The following REPS1 variants were observed in gnomAD, a reference collection of about 807,000 sequenced individuals.
The protein encoded by REPS1 is ralBP1-associated Eps domain-containing protein 1.
In REPS1, 39 loss-of-function variants were observed where a neutral mutation model predicts 100.9. The ratio of observed to expected loss-of-function variants is 0.39; its 90% CI spans 0.30 to 0.50. REPS1 has a LOEUF of 0.50. Ranked by LOEUF, REPS1 falls within the 20% of genes least tolerant of loss-of-function variation. The pLI is 0.86. For synonymous variants in REPS1, 324 were observed against 340.3 expected (o/e 0.95, Z 0.53); for missense variants, 821 against 968.5 (o/e 0.85, Z 2.02).
intron 1 of REPS1, among the ~76,000 whole-genome samples, chr6:138,957,559 A>G (rs1486185642): frequency 6.6e-6 from 1 of 152,222 alleles, no homozygotes; most frequent in East Asian, 1.9e-4. Flanking sequence ...GTGAAGACAC[A>G]GCTTCCAGGA....
rs78455800 is a variant in REPS1, at chr6:138,956,536, G to T, written c.154-8623C>A. Among the ~76,000 whole-genome samples the T allele has an allele frequency of 4.2e-3, 641 of 151,176 alleles. 6 individuals carry two copies. Among genetic ancestry groups the T allele is most frequent in the South Asian group, 0.027 (131 of 4,812 alleles). On this transcript the variant is annotated intron_variant, in intron 1 of 19. Coordinates refer to ENST00000450536, the MANE Select transcript of REPS1 (RefSeq NM_001286611.2). Reference sequence around the variant, plus strand: ...GAAACGTTAGAGAAAAACTAGGACAGCTGGTATAGACTTTGCTGTTGCCCC... The same window carrying T: ...GAAACGTTAGAGAAAAACTAGGACATCTGGTATAGACTTTGCTGTTGCCCC...
Position 138,904,783 on chromosome 6 carries a change from T to G in REPS1, c.*281A>C, listed in dbSNP as rs369917452. ...TTCTATAAATTAAATTGGTGTGTGG[T>G]ATTAGCCATAGAAGCATTGCATATC... On this transcript the variant is annotated 3_prime_UTR_variant, in exon 20 of 20. Transcript: ENST00000450536. 157 of 257,422 alleles carry G rather than the reference T, an allele frequency of 6.1e-4. No individual in the cohort carries two copies. The South Asian group carries it at 0.016, about 25-fold the overall frequency. The allele number at this position is 257,422 out of a possible 1,614,324, so 15.9% of individuals were successfully genotyped here. A position where few individuals can be genotyped will look rare whatever the true frequency, so the allele number is the denominator to read the frequency against.
intron 1 of REPS1, among the ~76,000 whole-genome samples, chr6:138,951,350 T>C (rs1012554304): frequency 5.9e-5 from 9 of 152,252 alleles, no homozygotes; most frequent in African/African-American, 1.9e-4. Context: ...ATTTTTCTCT[T>C]TGGTCCATTA....
At chr6:138,914,856 T>C (rs1234354917) in intron 14 of REPS1, 95 bp from the exon 15 acceptor site, 43 of 1,069,042 alleles carry the variant, frequency 4.0e-5, no homozygotes, top group Non-Finnish European at 5.5e-5. Context: ...ATGATAAAGA[T>C]TTCTAAGAAT....
intron 9 of REPS1, chr6:138,929,674 C>T (rs373639155): frequency 3.7e-5 from 8 of 217,438 alleles, no homozygotes; most frequent in Admixed American, 1.6e-4. Flanking sequence ...TCCTAGCTCT[C>T]GTCCCTCACT....
At chr6:138,905,215 AC>A (rs1779553396) in intron 19 of REPS1, 83 bp from the exon 20 acceptor site, 2 of 839,354 alleles carry the variant, frequency 2.4e-6, no homozygotes, top group Non-Finnish European at 4.0e-6. Context: ...CTTCAAGAAA[AC>A]AATTTAAATT....
intron 2 of REPS1, among the ~76,000 whole-genome samples, chr6:138,947,035 G>GCTCGCTCTCTCGCTCTCTCTCTCGCTCT (rs10648982): frequency 7.3e-6 from 1 of 137,636 alleles, no homozygotes; most frequent in African/African-American, 2.8e-5. Context: ...ATTCCCCCTT[G>GCTCGCTCTCTCGCTCTCTCTCTCGCTCT]CTCTCTCTCT....
intron 1 of REPS1, among the ~76,000 whole-genome samples, chr6:138,986,731 C>T (rs577840105): frequency 6.6e-6 from 1 of 152,080 alleles, no homozygotes; most frequent in Non-Finnish European, 1.5e-5. Context: ...TTAATGCTCA[C>T]CACATACATT....
At chr6:138,964,004 C>G (rs1273909560) in intron 1 of REPS1, among the ~76,000 whole-genome samples, 2 of 152,174 alleles carry the variant, frequency 1.3e-5, no homozygotes, top group African/African-American at 4.8e-5. Context: ...CATTTCAACC[C>G]TTTTGAGATA....
At chr6:138,930,534 C>A (rs973027297) in intron 8 of REPS1, among the ~76,000 whole-genome samples, 1 of 152,088 alleles carries the variant, frequency 6.6e-6, no homozygotes, top group Non-Finnish European at 1.5e-5. Flanking sequence ...CATCCGTATG[C>A]ACATTTGTAT....
rs185231658 is a variant in REPS1 at position 138,977,595 on chromosome 6, T to C, written c.153+9935A>G. ...GTTTGTTATAACATATATCACTAAT[T>C]TGTTTCTTTTTTATTGCAGAATAGT... On this transcript the variant is annotated intron_variant, in intron 1 of 19. Transcript: ENST00000450536. Among the ~76,000 whole-genome samples the C allele has an allele frequency of 4.5e-4, 66 of 148,146 alleles. 1 individual carries two copies. Among genetic ancestry groups the C allele is most frequent in the Non-Finnish European group, 5.3e-4 (35 of 66,224 alleles).
intron 1 of REPS1, among the ~76,000 whole-genome samples, chr6:138,977,451 A>G (rs1660937616): frequency 6.6e-6 from 1 of 152,200 alleles, no homozygotes; most frequent in Admixed American, 6.5e-5. Flanking sequence ...CTCTTTCCTC[A>G]GCCTTCCAAG....
At chr6:138,928,143 A>G (rs773819958) in intron 9 of REPS1, 1 of 152,244 alleles carries the variant, frequency 6.6e-6, no homozygotes, top group Admixed American at 6.5e-5. Flanking sequence ...GGCAAGTTGT[A>G]TAACTTCTCT....
intron 8 of REPS1, among the ~76,000 whole-genome samples, chr6:138,930,522 A>T (rs1172681308): frequency 2.0e-5 from 3 of 152,172 alleles, no homozygotes; most frequent in Non-Finnish European, 2.9e-5. Context: ...TCTCTGTTGG[A>T]GCATCCGTAT....
intron 1 of REPS1, among the ~76,000 whole-genome samples, chr6:138,955,094 A>G (rs1321257728): frequency 2.0e-5 from 3 of 152,272 alleles, no homozygotes; most frequent in East Asian, 3.9e-4. Context: ...ATTTTTGTGC[A>G]TGTCTTTGTG....
intron 17 of REPS1, among the ~76,000 whole-genome samples, chr6:138,910,001 C>T (rs1049474552): frequency 6.6e-6 from 1 of 152,132 alleles, no homozygotes; most frequent in African/African-American, 2.4e-5. Context: ...CTGATACTTG[C>T]AATCTAAAGT....
chr6:138,907,405 T>G, intron 19 of REPS1, 90 bp downstream of exon 19: 1 of 857,752 alleles, frequency 1.2e-6, no homozygotes, highest in Non-Finnish European at 1.9e-6. Context: ...ACCATATATG[T>G]GATCTTGGAG....
intron 1 of REPS1, among the ~76,000 whole-genome samples, chr6:138,951,734 T>C (rs1783054602): frequency 6.6e-6 from 1 of 152,198 alleles, no homozygotes; most frequent in African/African-American, 2.4e-5. Context: ...GTTTTTCAGT[T>C]TCTTCCATTC....
At chr6:138,912,601 T>C in intron 16 of REPS1, 164 bp downstream of exon 16, 1 of 690,440 alleles carries the variant, frequency 1.4e-6, no homozygotes, top group Non-Finnish European at 2.5e-6. Context: ...TAGTAAGCAT[T>C]ACACTGCAAC....
Sources: gnomAD v4.1 joint callset for allele counts (sites outside exome capture counted in the v4.1 genomes callset) on GRCh38, gnomAD v4.1.1 for gene constraint, MANE v1.5 for transcripts, NCBI Gene and HGNC (gene_info 2026-07-23, HGNC 2026-07-21) for gene names.